EEFSEC: variants seen among roughly 807,000 people sequenced by gnomAD.
EEFSEC encodes the protein eukaryotic elongation factor, selenocysteine-tRNA specific, also known as selenocysteine-specific elongation factor.
Under a neutral mutation model 42.1 loss-of-function variants are expected in EEFSEC, and 43 were observed. The ratio of observed to expected loss-of-function variants is 1.02; its 90% confidence interval spans 0.80 to 1.32. The LOEUF is 1.32. Among genes scored for constraint, EEFSEC ranks in the 40% most tolerant of loss-of-function variants. The pLI is 0.00. For missense variants in EEFSEC, 745 were observed against 803.6 expected (o/e 0.93, Z 0.88); for synonymous variants, 354 against 339.1 (o/e 1.04, Z -0.48).
chr3:128,419,457 A>G, the EEFSEC span, among the ~76,000 whole-genome samples: 2 of 152,240 alleles, frequency 1.3e-5, no homozygotes, highest in African/African-American at 2.4e-5. Flanking sequence ...CCACAAAGTG[A>G]TACTGTGTGT....
rs543879182 is a variant in EEFSEC, at chr3:128,229,329, C to T, written c.317-17507C>T. Among the ~76,000 whole-genome samples the T allele has an allele frequency of 4.6e-5, 7 of 152,312 alleles. No homozygotes were observed. The South Asian group carries it at 6.2e-4, about 14-fold the overall frequency. ...GCTAGAGAGCGAAGTGCTCTCCCCA[C>T]GTGGCCCCACTGGAGGGGCAAGGGC... On this transcript the variant is annotated intron_variant, in intron 1 of 6. Coordinates refer to ENST00000254730, the MANE Select transcript of EEFSEC (RefSeq NM_021937.5).
rs147522763 is a variant in EEFSEC, at chr3:128,183,748, A to G, written c.316+29925A>G. Among the ~76,000 whole-genome samples, 175 of 152,128 alleles carry G rather than the reference A, an allele frequency of 1.2e-3. 3 individuals carry two copies. The East Asian group carries it at 0.016, about 14-fold the overall frequency. ...ATGTGTTGTTGTCTTTTTCTTCCTC[A>G]TTTGGGTCATTCATAGACTACTGGA... On this transcript the variant is annotated intron_variant, in intron 1 of 6. Transcript: ENST00000254730.
At chr3:128,301,955 A>C (rs1321276008) in intron 4 of EEFSEC, among the ~76,000 whole-genome samples, 1 of 152,158 alleles carries the variant, frequency 6.6e-6, no homozygotes, top group Non-Finnish European at 1.5e-5. Context: ...GGGCTACTCA[A>C]AGTTACCTAA....
chr3:128,156,552 T>C (rs987754986), intron 1 of EEFSEC, among the ~76,000 whole-genome samples: 9 of 152,270 alleles, frequency 5.9e-5, no homozygotes, highest in African/African-American at 1.4e-4. Context: ...TTGCTTACTT[T>C]GTGTCTCTAT....
At chr3:128,318,176 C>T (rs1302031921) in intron 4 of EEFSEC, among the ~76,000 whole-genome samples, 3 of 152,230 alleles carry the variant, frequency 2.0e-5, no homozygotes, top group East Asian at 3.8e-4. Flanking sequence ...GGCGCCCTCC[C>T]GTGATGGACT....
intron 1 of EEFSEC, 98 bp from the exon 2 acceptor site, chr3:128,246,738 T>C: frequency 7.8e-7 from 1 of 1,286,976 alleles, no homozygotes. Flanking sequence ...TCCACTTTGC[T>C]CACTTTTACT....
chr3:128,168,609 C>G (rs957145646), intron 1 of EEFSEC, among the ~76,000 whole-genome samples: 2 of 152,230 alleles, frequency 1.3e-5, no homozygotes, highest in Non-Finnish European at 2.9e-5. Context: ...CAGTTTCACC[C>G]TTTAGTTCTT....
intron 3 of EEFSEC, among the ~76,000 whole-genome samples, chr3:128,264,085 A>C (rs1315412851): frequency 1.3e-5 from 2 of 152,110 alleles, no homozygotes; most frequent in Non-Finnish European, 2.9e-5. Context: ...TGTCCAGAGG[A>C]GGTATTGCTG....
chr3:128,315,594 G>T (rs374609839), intron 4 of EEFSEC, among the ~76,000 whole-genome samples: 2 of 152,208 alleles, frequency 1.3e-5, no homozygotes, highest in East Asian at 3.9e-4. Context: ...GAGGGAGGGA[G>T]GGAGTCTACC....
chr3:128,236,417 G>A (rs560071957), intron 1 of EEFSEC, among the ~76,000 whole-genome samples: 2 of 152,274 alleles, frequency 1.3e-5, no homozygotes, highest in African/African-American at 2.4e-5. Context: ...TGTAAATGGC[G>A]GGGGGCGGGG....
chr3:128,376,982 T>C (rs1475328233), intron 6 of EEFSEC, among the ~76,000 whole-genome samples: 2 of 152,102 alleles, frequency 1.3e-5, no homozygotes, highest in Non-Finnish European at 1.5e-5. Flanking sequence ...CACTCAGGGG[T>C]CATGGCCTGG....
chr3:128,164,633 G>A (rs1332719557), intron 1 of EEFSEC, among the ~76,000 whole-genome samples: 1 of 152,126 alleles, frequency 6.6e-6, no homozygotes. Context: ...TGTGAAGGAT[G>A]GTTGAGATAT....
intron 1 of EEFSEC, among the ~76,000 whole-genome samples, chr3:128,222,828 TTGTC>T (rs1235683232): frequency 6.6e-6 from 1 of 152,234 alleles, no homozygotes; most frequent in Non-Finnish European, 1.5e-5. Context: ...CATAAAGAAT[TTGTC>T]TGGTCTTTGT....
intron 1 of EEFSEC, among the ~76,000 whole-genome samples, chr3:128,190,538 T>TA (rs1468516709): frequency 1.3e-5 from 2 of 152,214 alleles, no homozygotes; most frequent in African/African-American, 4.8e-5. Flanking sequence ...GTCAAAAAGT[T>TA]AAAAAATTTT....
At chr3:128,340,946 G>C (rs1003003535) in intron 4 of EEFSEC, among the ~76,000 whole-genome samples, 3 of 152,236 alleles carry the variant, frequency 2.0e-5, no homozygotes, top group African/African-American at 7.2e-5. Flanking sequence ...AACTAAGGTA[G>C]TCAGGGATTT....
intron 1 of EEFSEC, among the ~76,000 whole-genome samples, chr3:128,211,784 AG>A (rs1435980338): frequency 1.3e-5 from 2 of 148,832 alleles, no homozygotes; most frequent in Non-Finnish European, 3.0e-5. Flanking sequence ...CCAACATGCT[AG>A]GATTACAGGC....
intron 4 of EEFSEC, among the ~76,000 whole-genome samples, chr3:128,268,352 T>C (rs1204404699): frequency 2.0e-5 from 3 of 152,166 alleles, no homozygotes; most frequent in African/African-American, 7.2e-5. Flanking sequence ...GATGATAATT[T>C]AGATGAGATT....
At chr3:128,361,634 C>T (rs996660213) in intron 6 of EEFSEC, among the ~76,000 whole-genome samples, 2 of 152,244 alleles carry the variant, frequency 1.3e-5, no homozygotes, top group Non-Finnish European at 2.9e-5. Context: ...CCAGAATGTG[C>T]TGTGGGAAAT....
the EEFSEC span, among the ~76,000 whole-genome samples, chr3:128,425,005 TGA>T: frequency 1.3e-5 from 2 of 152,108 alleles, no homozygotes; most frequent in Non-Finnish European, 2.9e-5. Flanking sequence ...TCCATGATTC[TGA>T]GAGTCTGCGA....
Sources: gnomAD v4.1 joint callset for allele counts (sites outside exome capture counted in the v4.1 genomes callset) on GRCh38, gnomAD v4.1.1 for gene constraint, MANE v1.5 for transcripts, NCBI Gene and HGNC (gene_info 2026-07-23, HGNC 2026-07-21) for gene names.